The following SMC1B variants were observed in gnomAD, a reference collection of about 807,000 sequenced individuals.
The protein encoded by SMC1B is structural maintenance of chromosomes protein 1B.
Under a neutral mutation model 157.9 loss-of-function variants are expected in SMC1B, and 60 were observed. The observed-to-expected ratio is 0.38, with a 90% CI of 0.31 to 0.47. The LOEUF is 0.47. SMC1B is among the 20% of genes least tolerant of loss of function. The pLI is 0.99. For synonymous variants in SMC1B, 445 were observed against 483.0 expected, an observed-to-expected ratio of 0.92 and a Z score of 1.03; for missense variants, 1,165 against 1,426.2, an observed-to-expected ratio of 0.82 and a Z score of 2.95.
chr22:45,352,772 G>GT (rs1211274894), intron 21 of SMC1B, among the ~76,000 whole-genome samples, 170 bp from the exon 22 acceptor site: 1 of 152,136 alleles, frequency 6.6e-6, no homozygotes, highest in Non-Finnish European at 1.5e-5. Flanking sequence ...AGACAACAGG[G>GT]TTGTCTGGGT....
chr22:45,396,035 C>T (rs888156145), intron 7 of SMC1B, among the ~76,000 whole-genome samples: 1 of 152,094 alleles, frequency 6.6e-6, no homozygotes. Context: ...CAAAAATGTC[C>T]AATGTGTATT....
Position 45,393,841 on chromosome 22 carries a change from C to G in SMC1B, c.1338G>C (p.Met446Ile). ...EKLEEYTKTC[M>I]DCLKEKKQQE... ...GCTGTTTTTTCTCTTTCAAGCAATC[C>G]CTACAAAATAACAACAAATTATACA... The change falls in exon 9 of 25, where the codon ATG (methionine) becomes ATC (isoleucine). Residue 446 changes from methionine to isoleucine, a missense_variant and splice_region_variant. Physicochemically the swap from Met to Ile is conservative, Grantham distance 10 (BLOSUM62 1). Transcript: ENST00000357450. 6.2e-7 allele frequency: 1 copy of G among 1,601,290 alleles called. No individual in the cohort carries two copies. Among genetic ancestry groups the G allele is most frequent in the Non-Finnish European group, 8.5e-7 (1 of 1,173,144 alleles).
chr22:45,364,942 A>G (rs894434825), intron 15 of SMC1B, among the ~76,000 whole-genome samples: 12 of 147,342 alleles, frequency 8.1e-5, no homozygotes, highest in African/African-American at 2.8e-4. Flanking sequence ...GGTTCACGCC[A>G]TTCTGCTGCC....
rs2086541721 is a variant in SMC1B at position 45,345,492 on chromosome 22, G to A, written c.3573C>T (p.Ser1191=). The change falls in exon 24 of 25, where the codon TCC becomes TCT. Residue 1191 remains serine, a synonymous_variant. Coordinates refer to ENST00000357450, the MANE Select transcript of SMC1B (RefSeq NM_148674.5). ...IVISLKEEFY[S]RADALIGIYP... Reference sequence around the variant, plus strand: ...AGATGCCGATCAGCGCGTCGGCTCTGGAATAGAACTCTTCTTTTAGGGAGA... The same window carrying A: ...AGATGCCGATCAGCGCGTCGGCTCTAGAATAGAACTCTTCTTTTAGGGAGA... 1.9e-6 allele frequency: 3 copies of A among 1,613,842 alleles called. No individual in the cohort carries two copies. The East Asian group carries it at 6.7e-5, about 36-fold the overall frequency.
chr22:45,379,558 T>C (rs911027191), intron 12 of SMC1B, among the ~76,000 whole-genome samples: 5 of 152,118 alleles, frequency 3.3e-5, no homozygotes, highest in Non-Finnish European at 7.4e-5. Context: ...GTCTTTAGAA[T>C]ATTCTAACTT....
chr22:45,390,772 G>C (rs2087049141), intron 9 of SMC1B, among the ~76,000 whole-genome samples: 1 of 151,948 alleles, frequency 6.6e-6, no homozygotes, highest in Admixed American at 6.6e-5. Context: ...CTGAAGAATG[G>C]TCAAGAATTA....
At chr22:45,383,763 C>A (rs137937514) in intron 11 of SMC1B, 150 bp from the exon 12 acceptor site, 41 of 616,218 alleles carry the variant, frequency 6.7e-5, no homozygotes, top group Middle Eastern at 8.1e-4. Flanking sequence ...TATGAAGAGA[C>A]CCCAAACAAT....
chr22:45,358,914 C>T (rs759339672), intron 18 of SMC1B, 119 bp from the exon 19 acceptor site: 4 of 561,030 alleles, frequency 7.1e-6, no homozygotes, highest in African/African-American at 3.8e-5. Flanking sequence ...ATATAGATCA[C>T]CTTAACAGAC....
rs2086541957 is a variant in SMC1B, at chr22:45,345,501, C to T, written c.3564G>A (p.Glu1188=). The T allele has an allele frequency of 4.3e-6, 7 of 1,613,996 alleles. No individual in the cohort carries two copies. The highest frequency in any genetic ancestry group is 2.2e-5 in the East Asian group (1 of 44,868). The change falls in exon 24 of 25, where the codon GAG becomes GAA. Residue 1188 remains glutamate (E), a synonymous_variant. Coordinates refer to ENST00000357450, the MANE Select transcript of SMC1B (RefSeq NM_148674.5). ...FQMIVISLKE[E]FYSRADALIG... Reference sequence around the variant, plus strand: ...TCAGCGCGTCGGCTCTGGAATAGAACTCTTCTTTTAGGGAGATGACTATCA... The same window carrying T: ...TCAGCGCGTCGGCTCTGGAATAGAATTCTTCTTTTAGGGAGATGACTATCA...
chr22:45,366,267 G>A (rs912217631), intron 15 of SMC1B, among the ~76,000 whole-genome samples: 5 of 152,072 alleles, frequency 3.3e-5, no homozygotes, highest in Admixed American at 6.6e-5. Flanking sequence ...CAGGTGATCC[G>A]CCTGCCTCGA....
At chr22:45,364,243 T>C (rs992556963) in intron 15 of SMC1B, among the ~76,000 whole-genome samples, 3 of 152,168 alleles carry the variant, frequency 2.0e-5, no homozygotes, top group Non-Finnish European at 4.4e-5. Flanking sequence ...CATTGTCAAC[T>C]GTAGCTCATC....
intron 19 of SMC1B, among the ~76,000 whole-genome samples, chr22:45,355,529 G>C (rs1014281121): frequency 6.6e-6 from 1 of 152,224 alleles, no homozygotes; most frequent in East Asian, 1.9e-4. Context: ...CTGTTGCTCA[G>C]GCTGGTCTTG....
At chr22:45,396,146 GCA>G (rs1365245549) in intron 7 of SMC1B, among the ~76,000 whole-genome samples, 198 bp downstream of exon 7, 1 of 152,018 alleles carries the variant, frequency 6.6e-6, no homozygotes. Flanking sequence ...TTTTCTCCTT[GCA>G]CAAAATGCCT....
intron 11 of SMC1B, among the ~76,000 whole-genome samples, chr22:45,386,100 T>C (rs960949791): frequency 6.6e-6 from 1 of 152,088 alleles, no homozygotes; most frequent in Non-Finnish European, 1.5e-5. Context: ...TAGGTAATAT[T>C]ATTTCCCCAA....
At chr22:45,393,491 T>C in intron 9 of SMC1B, 143 bp downstream of exon 9, 1 of 635,000 alleles carries the variant, frequency 1.6e-6, no homozygotes, top group Non-Finnish European at 2.6e-6. Context: ...ATATAAAGAG[T>C]CAAACACAAA....
chr22:45,373,785 T>C (rs1021911287), intron 12 of SMC1B, among the ~76,000 whole-genome samples: 1 of 152,248 alleles, frequency 6.6e-6, no homozygotes, highest in Non-Finnish European at 1.5e-5. Flanking sequence ...ATGATGACTA[T>C]TGCAGTTTTC....
intron 8 of SMC1B, among the ~76,000 whole-genome samples, chr22:45,394,076 C>G (rs2087093618): frequency 6.6e-6 from 1 of 151,962 alleles, no homozygotes; most frequent in Non-Finnish European, 1.5e-5. Context: ...AATCCCAGTA[C>G]TTTGAGAGGT....
intron 19 of SMC1B, among the ~76,000 whole-genome samples, chr22:45,356,786 G>A (rs2086674928): frequency 6.9e-6 from 1 of 144,060 alleles, no homozygotes; most frequent in Non-Finnish European, 1.5e-5. Flanking sequence ...CTGGAGTGCA[G>A]TGGCACAATC....
intron 13 of SMC1B, 45 bp downstream of exon 13, chr22:45,372,110 G>A (rs1409819137): frequency 6.7e-7 from 1 of 1,503,522 alleles, no homozygotes; most frequent in South Asian, 1.3e-5. Flanking sequence ...GAAATTCTAT[G>A]TTCTGGGTCA....
Sources: allele counts gnomAD v4.1 joint callset (sites outside exome capture counted in the v4.1 genomes callset), GRCh38; gene constraint gnomAD v4.1.1; transcripts MANE v1.5; gene names NCBI Gene and HGNC (gene_info 2026-07-23, HGNC 2026-07-21).